Variants in ANXA8 observed in about 807,000 individuals in gnomAD.
ANXA8 encodes annexin A8.
Under a neutral mutation model 26.8 loss-of-function variants are expected in ANXA8, and 9 were observed. That is an observed-to-expected ratio of 0.34 (90% CI 0.20 to 0.59). The LOEUF is 0.59. ANXA8 is among the 20% of genes least tolerant of loss of function. The probability of loss-of-function intolerance (pLI) is 0.84; values close to 1 mark genes in which losing one functional copy is unlikely to be tolerated. For missense variants in ANXA8, 83 were observed against 238.5 expected (o/e 0.35, Z 4.29); for synonymous variants, 39 against 94.8 (o/e 0.41, Z 3.42).
At chr10:47,581,777 A>AT in the ANXA8 span, among the ~76,000 whole-genome samples, 96,810 of 145,262 alleles carry the variant, frequency 0.67, 32,665 homozygotes, top group South Asian at 0.8. Context: ...AACTTTTTGT[A>AT]TTTTTTTTTA....
At chr10:47,503,682 T>C in the ANXA8 span, 1 of 579,324 alleles carries the variant, frequency 1.7e-6, no homozygotes, top group Non-Finnish European at 3.0e-6. Context: ...TCACAGCACT[T>C]TGGGAGGCCA....
chr10:47,658,342 C>T, the ANXA8 span, among the ~76,000 whole-genome samples: 1 of 150,682 alleles, frequency 6.6e-6, no homozygotes, highest in Non-Finnish European at 1.5e-5. Flanking sequence ...GCCAAGATCG[C>T]ACCACTGCAC....
At chr10:47,490,296 C>T in the ANXA8 span, 1 of 156,206 alleles carries the variant, frequency 6.4e-6, no homozygotes, top group Non-Finnish European at 1.4e-5. Flanking sequence ...CCTTCCACCT[C>T]TTGGTTCCCT....
chr10:47,553,969 G>A, the ANXA8 span, among the ~76,000 whole-genome samples: 9 of 149,190 alleles, frequency 6.0e-5, no homozygotes, highest in Non-Finnish European at 7.4e-5. Context: ...GCGTTCTGGG[G>A]GTGCCCTATA....
Position 47,468,693 on chromosome 10 carries a change from G to A in ANXA8, c.*154C>T. 1 of 1,339,424 alleles carries A rather than the reference G, an allele frequency of 7.5e-7. No homozygotes were observed. The highest frequency in any genetic ancestry group is 1.0e-6 in the Non-Finnish European group (1 of 986,744). The allele number at this position is 1,339,424 out of a possible 1,614,324, so 83.0% of individuals were successfully genotyped here. ...GAGTCCAGGCCGGTTCCACCCTCTGGGTCAGAAACCCGGCTGGAAAGCACT... is the reference window on the plus strand; with the variant it reads ...GAGTCCAGGCCGGTTCCACCCTCTGAGTCAGAAACCCGGCTGGAAAGCACT... On this transcript the variant is annotated 3_prime_UTR_variant, in exon 12 of 12. Transcript: ENST00000585281.
chr10:47,743,303 T>TATATATACAC, the ANXA8 span, among the ~76,000 whole-genome samples: 3 of 53,946 alleles, frequency 5.6e-5, no homozygotes, highest in African/African-American at 1.6e-4. Context: ...TACACATATA[T>TATATATACAC]ATATATATAC....
chr10:47,756,650 C>A, the ANXA8 span, among the ~76,000 whole-genome samples: 1 of 152,304 alleles, frequency 6.6e-6, no homozygotes, highest in African/African-American at 2.4e-5. Flanking sequence ...TTACGGTGAC[C>A]CCAGATGTGA....
chr10:47,552,203 A>G, the ANXA8 span, among the ~76,000 whole-genome samples: 1 of 151,956 alleles, frequency 6.6e-6, no homozygotes, highest in Non-Finnish European at 1.5e-5. Context: ...AAGTGTCAAC[A>G]TCACCAGTAC....
At chr10:47,748,231 C>T in the ANXA8 span, among the ~76,000 whole-genome samples, 12 of 146,598 alleles carry the variant, frequency 8.2e-5, no homozygotes, top group South Asian at 4.6e-4. Context: ...TTTTTTGAGA[C>T]GGAGTTTTTC....
chr10:47,597,659 G>A, the ANXA8 span, among the ~76,000 whole-genome samples: 1 of 54,526 alleles, frequency 1.8e-5, no homozygotes, highest in African/African-American at 8.1e-5. Context: ...ATTTACAAGA[G>A]CCACAGAAAA....
chr10:47,936,038 G>A, the ANXA8 span, among the ~76,000 whole-genome samples: 1 of 144,964 alleles, frequency 6.9e-6, no homozygotes, highest in Non-Finnish European at 1.5e-5. Context: ...TTAAACCCTG[G>A]CAACCACCGA....
chr10:47,700,317 G>A, the ANXA8 span, among the ~76,000 whole-genome samples: 1 of 151,804 alleles, frequency 6.6e-6, no homozygotes, highest in Non-Finnish European at 1.5e-5. Flanking sequence ...GTAGACCAGT[G>A]GAATAGAGTA....
chr10:47,714,168 T>C, the ANXA8 span, among the ~76,000 whole-genome samples: 33 of 79,050 alleles, frequency 4.2e-4, no homozygotes, highest in Non-Finnish European at 6.3e-4. Context: ...ATATGTTTAT[T>C]TACTTGGCTT....
the ANXA8 span, among the ~76,000 whole-genome samples, chr10:47,530,852 T>TGG: frequency 3.3e-5 from 4 of 120,680 alleles, no homozygotes; most frequent in Admixed American, 8.8e-5. Flanking sequence ...TTAAGCTCCC[T>TGG]GACTTGCTGC....
chr10:47,952,404 AT>A, the ANXA8 span, among the ~76,000 whole-genome samples: 1 of 150,454 alleles, frequency 6.6e-6, no homozygotes, highest in African/African-American at 2.5e-5. Flanking sequence ...AAATAAGCGA[AT>A]TTAGCAAGGT....
At chr10:47,484,699 G>A (rs1839995382), upstream of ANXA8, 1 of 731,402 alleles carries the variant, frequency 1.4e-6, no homozygotes, top group African/African-American at 1.9e-5. Flanking sequence ...CTGGTCATGG[G>A]GAGGTCTCGT....
the ANXA8 span, among the ~76,000 whole-genome samples, chr10:47,733,170 T>TTTCTTTC: frequency 9.8e-6 from 1 of 102,110 alleles, no homozygotes; most frequent in South Asian, 4.0e-4. Flanking sequence ...TCTTTCTTTC[T>TTTCTTTC]TTCTTTCTTT....
At chr10:47,632,989 G>A in the ANXA8 span, among the ~76,000 whole-genome samples, 1 of 136,446 alleles carries the variant, frequency 7.3e-6, no homozygotes, top group Non-Finnish European at 1.5e-5. Context: ...ACCTTGTGCA[G>A]AGCAAAGGAA....
the ANXA8 span, among the ~76,000 whole-genome samples, chr10:47,958,198 G>A: frequency 1.3e-5 from 2 of 150,144 alleles, no homozygotes; most frequent in Non-Finnish European, 2.9e-5. Context: ...GGCATCTCCA[G>A]CTCGGCGTGG....
Sources: gnomAD v4.1 joint callset for allele counts (sites outside exome capture counted in the v4.1 genomes callset) on GRCh38, gnomAD v4.1.1 for gene constraint, MANE v1.5 for transcripts, NCBI Gene and HGNC (gene_info 2026-07-23, HGNC 2026-07-21) for gene names.